The following UNC13C variants were observed in gnomAD, a reference collection of about 807,000 sequenced individuals.
UNC13C encodes protein unc-13 homolog C.
UNC13C carries 174 observed loss-of-function variants against 245.4 expected under a neutral mutation model. The ratio of observed to expected loss-of-function variants is 0.71; its 90% CI spans 0.63 to 0.80. The LOEUF (loss-of-function observed/expected upper bound fraction) is 0.80. UNC13C is among the 30% of genes least tolerant of loss of function. UNC13C has a pLI of 0.00. For missense variants in UNC13C, 2,829 were observed against 2,602.9 expected (o/e 1.09, Z -1.89); for synonymous variants, 992 against 895.1 (o/e 1.11, Z -1.93).
At chr15:53,954,489 C>T in the UNC13C span, among the ~76,000 whole-genome samples, 1 of 152,170 alleles carries the variant, frequency 6.6e-6, no homozygotes, top group South Asian at 2.1e-4. Flanking sequence ...CACAAAGTTA[C>T]ACATAGTTAT....
intron 4 of UNC13C, among the ~76,000 whole-genome samples, chr15:54,224,525 C>T (rs1199091197): frequency 1.3e-5 from 2 of 152,080 alleles, no homozygotes; most frequent in Non-Finnish European, 2.9e-5. Context: ...TTGTTGAATT[C>T]GGTTTGCTAG....
intron 14 of UNC13C, among the ~76,000 whole-genome samples, chr15:54,325,544 A>T (rs1373473085): frequency 6.6e-6 from 1 of 151,932 alleles, no homozygotes; most frequent in African/African-American, 2.4e-5. Context: ...GTTTCTCCTA[A>T]TGCTATCCCT....
upstream of UNC13C, among the ~76,000 whole-genome samples, chr15:53,978,383 G>A (rs1279869023): frequency 1.3e-5 from 2 of 152,280 alleles, no homozygotes; most frequent in East Asian, 3.9e-4. Flanking sequence ...CGGCAGGAGA[G>A]GGAGCCCGGG....
chr15:53,940,141 A>C, the UNC13C span, among the ~76,000 whole-genome samples: 1 of 152,142 alleles, frequency 6.6e-6, no homozygotes, highest in African/African-American at 2.4e-5. Context: ...TGGCTTCACC[A>C]TGGCACTTAG....
intron 2 of UNC13C, among the ~76,000 whole-genome samples, chr15:54,054,275 A>G (rs902701843): frequency 1.7e-4 from 26 of 152,128 alleles, no homozygotes; most frequent in African/African-American, 5.8e-4. Flanking sequence ...TCCATGTACC[A>G]CATAGATGGT....
chr15:53,890,302 C>G, the UNC13C span, among the ~76,000 whole-genome samples: 1 of 152,076 alleles, frequency 6.6e-6, no homozygotes, highest in African/African-American at 2.4e-5. Flanking sequence ...CCATCACGCC[C>G]AGCTAATTTT....
intron 4 of UNC13C, among the ~76,000 whole-genome samples, chr15:54,220,385 G>A (rs2035185493): frequency 7.1e-6 from 1 of 141,248 alleles, no homozygotes; most frequent in African/African-American, 2.7e-5. Context: ...TCATAGATGG[G>A]AATTGAACAA....
At chr15:54,231,798 C>T (rs2035561273) in intron 4 of UNC13C, among the ~76,000 whole-genome samples, 1 of 152,010 alleles carries the variant, frequency 6.6e-6, no homozygotes, top group African/African-American at 2.4e-5. Flanking sequence ...TACTTGTCTG[C>T]TATGGTCTGT....
intron 4 of UNC13C, among the ~76,000 whole-genome samples, chr15:54,158,512 G>A (rs1595924836): frequency 1.3e-5 from 2 of 152,098 alleles, no homozygotes; most frequent in South Asian, 2.1e-4. Context: ...GTAGAGACGG[G>A]ATTTCACTAT....
intron 4 of UNC13C, among the ~76,000 whole-genome samples, chr15:54,221,528 C>T (rs1418163748): frequency 6.6e-6 from 1 of 151,696 alleles, no homozygotes; most frequent in Non-Finnish European, 1.5e-5. Context: ...AATAGGTTTT[C>T]ATAGGTTATC....
intron 2 of UNC13C, among the ~76,000 whole-genome samples, chr15:54,076,468 A>G (rs1595816169): frequency 1.3e-5 from 2 of 152,016 alleles, no homozygotes; most frequent in South Asian, 2.1e-4. Flanking sequence ...ATAGTATTCC[A>G]TGGTGTAGAT....
At chr15:54,426,480 C>G (rs1229731023) in intron 19 of UNC13C, among the ~76,000 whole-genome samples, 1 of 145,334 alleles carries the variant, frequency 6.9e-6, no homozygotes, top group Non-Finnish European at 1.5e-5. Context: ...AGCCAAGAAA[C>G]CAAGAGTCTG....
At chr15:54,138,795 C>T (rs1445481271) in intron 2 of UNC13C, among the ~76,000 whole-genome samples, 1 of 151,778 alleles carries the variant, frequency 6.6e-6, no homozygotes, top group Non-Finnish European at 1.5e-5. Context: ...TGGACGTTCA[C>T]TATCAAGGTG....
At chr15:54,296,883 C>A (rs1431344853) in intron 11 of UNC13C, among the ~76,000 whole-genome samples, 3 of 152,274 alleles carry the variant, frequency 2.0e-5, no homozygotes, top group Middle Eastern at 3.4e-3. Flanking sequence ...CTAGATTATG[C>A]CTCTATTTAT....
chr15:54,014,878 G>A lies in UNC13C; in HGVS notation c.1975G>A (p.Glu659Lys), dbSNP rs1334990761. The stretch of plus-strand genomic sequence containing the variant: ...ACATGAGGATCTTTCTCCATGGAAG[G>A]AATGGAATCAAGGAGCTGATTTAGG... The part of the protein sequence containing the change: ...SLHEDLSPWK[E>K]WNQGADLGLD... Residue 659 changes from glutamate (E) to lysine (K), a missense_variant, in exon 2 of 33, where the codon GAA (glutamate) becomes AAA (lysine). Glu to Lys is a moderately conservative substitution (Grantham distance 56). Transcript: ENST00000260323. 2.5e-6 allele frequency: 4 copies of A among 1,613,832 alleles called. No individual in the cohort carries two copies. Among genetic ancestry groups the A allele is most frequent in the Non-Finnish European group, 3.4e-6 (4 of 1,179,864 alleles).
chr15:54,269,882 T>TTTAAC (rs1257831883), intron 10 of UNC13C, among the ~76,000 whole-genome samples: 1 of 152,200 alleles, frequency 6.6e-6, no homozygotes, highest in Admixed American at 6.5e-5. Context: ...GAAATTCAAA[T>TTTAAC]TTAACACTGT....
chr15:54,502,346 G>C (rs1016334443), intron 22 of UNC13C, among the ~76,000 whole-genome samples: 19 of 152,152 alleles, frequency 1.2e-4, no homozygotes, highest in Non-Finnish European at 2.5e-4. Flanking sequence ...TAAAGAAGCA[G>C]AGACAGACAG....
chr15:53,961,201 C>G, the UNC13C span, among the ~76,000 whole-genome samples: 554 of 152,346 alleles, frequency 3.6e-3, 2 homozygotes, highest in Admixed American at 8.9e-3. Context: ...CATGGCCCAG[C>G]AGGGGGATAT....
the UNC13C span, among the ~76,000 whole-genome samples, chr15:53,871,328 A>G: frequency 4.6e-5 from 7 of 152,118 alleles, no homozygotes; most frequent in Non-Finnish European, 8.8e-5. Flanking sequence ...TTGCCTATGT[A>G]ATATTTTATA....
Sources: gnomAD v4.1 joint callset for allele counts (sites outside exome capture counted in the v4.1 genomes callset) on GRCh38, gnomAD v4.1.1 for gene constraint, MANE v1.5 for transcripts, NCBI Gene and HGNC (gene_info 2026-07-23, HGNC 2026-07-21) for gene names.